Variants in MSR1 observed in about 807,000 individuals in gnomAD.
MSR1 encodes the protein macrophage scavenger receptor 1.
A neutral mutation model predicts 47.2 loss-of-function variants in MSR1; 53 were observed. That is an observed-to-expected ratio of 1.12 (90% CI 0.90 to 1.41). The LOEUF (loss-of-function observed/expected upper bound fraction) is 1.41, where lower values mean the gene tolerates loss of function less well. Among genes scored for constraint, MSR1 ranks in the 40% most tolerant of loss-of-function variants. MSR1 has a pLI of 0.00. For synonymous variants in MSR1, 239 were observed against 185.6 expected (o/e 1.29, Z -2.34); for missense variants, 786 against 546.9 (o/e 1.44, Z -4.36).
chr8:16,117,346 G>C (rs1255259514), intron 9 of MSR1, among the ~76,000 whole-genome samples: 1 of 152,156 alleles, frequency 6.6e-6, no homozygotes, highest in East Asian at 1.9e-4. Flanking sequence ...CGTGATGCTA[G>C]AGCTGGGGAG....
At chr8:16,164,309 A>T in intron 4 of MSR1, 58 bp from the exon 5 acceptor site, 1 of 1,442,702 alleles carries the variant, frequency 6.9e-7, no homozygotes, top group Non-Finnish European at 9.7e-7. Context: ...ATCAAATATG[A>T]AAGTTCAAGA....
chr8:16,143,525 A>C (rs1800617635), intron 8 of MSR1, 33 bp downstream of exon 8: 4 of 1,592,028 alleles, frequency 2.5e-6, no homozygotes, highest in Non-Finnish European at 3.4e-6. Context: ...TATTACAAGA[A>C]TTCACACAGA....
intron 2 of MSR1, 90 bp from the exon 3 acceptor site, chr8:16,175,390 T>C: frequency 9.6e-7 from 1 of 1,037,382 alleles, no homozygotes. Flanking sequence ...ATATTCTTAC[T>C]ACCAAGCCTA....
chr8:16,145,936 T>A (rs1433378663), intron 7 of MSR1, among the ~76,000 whole-genome samples: 1 of 152,090 alleles, frequency 6.6e-6, no homozygotes, highest in Non-Finnish European at 1.5e-5. Context: ...TACTCTTTAA[T>A]AAAAAGTAAC....
At chr8:16,180,921 G>C (rs546015445) in intron 1 of MSR1, among the ~76,000 whole-genome samples, 32 of 152,246 alleles carry the variant, frequency 2.1e-4, no homozygotes, top group African/African-American at 7.5e-4. Context: ...GGAATGAAGG[G>C]AGGTAGGCAT....
intron 7 of MSR1, among the ~76,000 whole-genome samples, chr8:16,146,171 G>A (rs182817879): frequency 5.9e-4 from 90 of 151,980 alleles, no homozygotes; most frequent in African/African-American, 1.4e-3. Flanking sequence ...TCCATCCCCC[G>A]TTTCTTTCAA....
At chr8:16,155,021 T>C (rs377049671) in intron 6 of MSR1, 43 bp downstream of exon 6, 7 of 1,498,276 alleles carry the variant, frequency 4.7e-6, no homozygotes, top group African/African-American at 1.4e-5. Flanking sequence ...ATGTATATCA[T>C]CTATCTTCAC....
intron 2 of MSR1, among the ~76,000 whole-genome samples, chr8:16,177,267 G>T (rs1358787793): frequency 6.6e-6 from 1 of 151,986 alleles, no homozygotes; most frequent in Non-Finnish European, 1.5e-5. Context: ...AAGTGATATT[G>T]GATTAGGGTG....
chr8:16,169,076 A>G (rs35786779), intron 3 of MSR1, among the ~76,000 whole-genome samples: 165 of 151,910 alleles, frequency 1.1e-3, no homozygotes, highest in African/African-American at 3.8e-3. Flanking sequence ...TCCCTTTCCT[A>G]TTTTACGTTA....
chr8:16,154,364 A>AT (rs1800941733), intron 6 of MSR1, among the ~76,000 whole-genome samples: 1 of 151,634 alleles, frequency 6.6e-6, no homozygotes, highest in Admixed American at 6.6e-5. Flanking sequence ...TATCTTTTTT[A>AT]TTTTTTCAAG....
At position 16,177,915 on chromosome 8, in the gene MSR1, G is replaced by T; in HGVS notation, c.74C>A (p.Ala25Asp). 6.2e-7 allele frequency: 1 copy of T among 1,613,864 alleles called. No homozygotes were observed. The highest frequency in any genetic ancestry group is 8.5e-7 in the Non-Finnish European group (1 of 1,179,892). The stretch of plus-strand genomic sequence containing the variant: ...AGGAAGCAAAGCTGTCATTGAGCGA[G>T]CATCAAATTTCACAGATTCGGAGCA... ...DSCSESVKFD[A>D]RSMTALLPPN... Residue 25 changes from alanine (A) to aspartate (D), a missense_variant, in exon 2 of 10, where the codon GCT becomes GAT. By Grantham distance (126) the Ala-to-Asp change is moderately radical. Transcript: ENST00000262101.
At chr8:16,155,205 T>C (rs996041544) in intron 5 of MSR1, 61 bp from the exon 6 acceptor site, 3 of 1,201,886 alleles carry the variant, frequency 2.5e-6, no homozygotes, top group Non-Finnish European at 3.7e-6. Flanking sequence ...GGGTTAGTCA[T>C]CTGTCAAGGT....
At position 16,109,072 on chromosome 8, in the gene MSR1, A is replaced by G. The variant is rs538059820; in HGVS notation, c.*1013T>C. ...AGGGTAGCTTTTCACACTCTACACTATGGCCCTGGGGATGGGTTGACTACC... is the reference window on the plus strand; with the variant it reads ...AGGGTAGCTTTTCACACTCTACACTGTGGCCCTGGGGATGGGTTGACTACC... On this transcript the variant is annotated 3_prime_UTR_variant, in exon 10 of 10. Coordinates refer to ENST00000262101, the MANE Select transcript of MSR1 (RefSeq NM_138715.3). The G allele has an allele frequency of 6.6e-6, 1 of 151,996 alleles. No individual in the cohort carries two copies. Among genetic ancestry groups the G allele is most frequent in the African/African-American group, 2.4e-5 (1 of 41,424 alleles). 9.4% of individuals were successfully genotyped at this position (151,996 alleles called of 1,614,324 possible).
At chr8:16,139,775 ATATATATATATATATATATATATATAT>A (rs1800499561) in intron 8 of MSR1, 1 of 8,022 alleles carries the variant, frequency 1.2e-4, no homozygotes, top group African/African-American at 3.3e-4. Flanking sequence ...AAAAAAAAAA[ATATATATATATATATATATATATATAT>A]ATATATATAT....
In MSR1 at chr8:16,168,457, C is replaced by T. The variant is rs752711651; in HGVS notation, c.630+1G>A. 5 of 1,613,900 alleles carry T rather than the reference C, an allele frequency of 3.1e-6. No individual in the cohort carries two copies. Among genetic ancestry groups the T allele is most frequent in the Non-Finnish European group, 3.4e-6 (4 of 1,179,972 alleles). ...TGACCTTGCAGTCCACAAACTCTTA[C>T]CTCTTGTTGTTTGAAGGTATTCTCT... On this transcript the variant is annotated splice_donor_variant, in intron 4 of 9. Transcript: ENST00000262101. LOFTEE classifies it high-confidence loss of function.
intron 8 of MSR1, among the ~76,000 whole-genome samples, chr8:16,137,452 C>A (rs1800419435): frequency 6.6e-6 from 1 of 152,070 alleles, no homozygotes; most frequent in African/African-American, 2.4e-5. Context: ...CTATCTATCT[C>A]TTTCTCTCTT....
intron 6 of MSR1, among the ~76,000 whole-genome samples, chr8:16,152,617 C>A (rs750015126): frequency 1.3e-5 from 2 of 152,080 alleles, no homozygotes; most frequent in Non-Finnish European, 2.9e-5. Context: ...ACAGGTCAAA[C>A]TACCTTGTTA....
intron 9 of MSR1, among the ~76,000 whole-genome samples, chr8:16,112,063 T>C (rs1319259161): frequency 2.0e-5 from 3 of 152,140 alleles, no homozygotes; most frequent in Non-Finnish European, 4.4e-5. Flanking sequence ...GCAACTGAGA[T>C]CACATATACA....
At chr8:16,132,151 T>A (rs1434389404) in intron 8 of MSR1, among the ~76,000 whole-genome samples, 1 of 152,142 alleles carries the variant, frequency 6.6e-6, no homozygotes, top group East Asian at 1.9e-4. Context: ...TTTTGTGTCA[T>A]CTAGGATTTC....
Sources: gnomAD v4.1 joint callset for allele counts (sites outside exome capture counted in the v4.1 genomes callset) on GRCh38, gnomAD v4.1.1 for gene constraint, MANE v1.5 for transcripts, NCBI Gene and HGNC (gene_info 2026-07-23, HGNC 2026-07-21) for gene names.